Variants in MEI4 observed in about 807,000 individuals in gnomAD.
MEI4 encodes the protein meiosis-specific protein MEI4.
MEI4 carries 27 observed loss-of-function variants against 31.4 expected under a neutral mutation model. That is an observed-to-expected ratio of 0.86 (90% CI 0.63 to 1.19). The LOEUF (loss-of-function observed/expected upper bound fraction) is 1.19, where lower values mean the gene tolerates loss of function less well. Among genes scored for constraint, MEI4 ranks in the 50% most tolerant of loss-of-function variants. The pLI, the probability that MEI4 is intolerant of heterozygous loss-of-function variation, is 0.00. For missense variants in MEI4, 329 were observed against 398.9 expected (o/e 0.82, Z 1.49); for synonymous variants, 122 against 145.4 (o/e 0.84, Z 1.16).
At chr6:77,768,595 G>A (rs557583127) in intron 3 of MEI4, among the ~76,000 whole-genome samples, 1 of 152,012 alleles carries the variant, frequency 6.6e-6, no homozygotes, top group East Asian at 1.9e-4. Flanking sequence ...AGCTACTTGG[G>A]AGAATGAGGC....
In MEI4 at chr6:77,847,197, A is replaced by G. The variant is rs772048556; in HGVS notation, c.900+18135A>G. Reference sequence around the variant, plus strand: ...CAATGTTCTGAAATGGTGTGTATGGAGCCAGTATATACAGAACAAATAGTT... The same window carrying G: ...CAATGTTCTGAAATGGTGTGTATGGGGCCAGTATATACAGAACAAATAGTT... On this transcript the variant is annotated intron_variant, in intron 4 of 4. Coordinates refer to ENST00000684080, the MANE Select transcript of MEI4 (RefSeq NM_001322247.2). The surrounding 1 kb of genome is among the most constrained non-coding windows in gnomAD (Gnocchi z 4.6). Among the ~76,000 whole-genome samples the G allele has an allele frequency of 1.1e-4, 17 of 152,126 alleles. No individual in the cohort carries two copies. The highest frequency in any genetic ancestry group is 2.4e-4 in the Non-Finnish European group (16 of 68,026).
At chr6:77,787,222 AACAGCCAATG>A (rs1280654426) in intron 3 of MEI4, among the ~76,000 whole-genome samples, 1 of 152,182 alleles carries the variant, frequency 6.6e-6, no homozygotes, top group African/African-American at 2.4e-5. Flanking sequence ...CTACTAGAGA[AACAGCCAATG>A]ACATAGCAGC....
At chr6:77,716,654 A>G (rs1433661164) in intron 2 of MEI4, among the ~76,000 whole-genome samples, 2 of 152,224 alleles carry the variant, frequency 1.3e-5, no homozygotes, top group Admixed American at 1.3e-4. Context: ...TGAGAATAAA[A>G]GTTGGCAAAA....
intron 4 of MEI4, among the ~76,000 whole-genome samples, chr6:77,873,431 G>C (rs1213681231): frequency 6.6e-6 from 1 of 152,100 alleles, no homozygotes; most frequent in African/African-American, 2.4e-5. Context: ...CATGTCCTTT[G>C]CCCACTTTTT....
chr6:77,744,116 G>A (rs1042847792), intron 2 of MEI4, among the ~76,000 whole-genome samples: 2 of 152,180 alleles, frequency 1.3e-5, no homozygotes, highest in South Asian at 4.1e-4. Flanking sequence ...AAAGCTGGAT[G>A]GAGAATGACT....
At chr6:77,794,799 A>G (rs1769035128) in intron 3 of MEI4, among the ~76,000 whole-genome samples, 1 of 152,176 alleles carries the variant, frequency 6.6e-6, no homozygotes, top group African/African-American at 2.4e-5. Context: ...CATTTTTTCA[A>G]GTCTATAAAA....
intron 4 of MEI4, among the ~76,000 whole-genome samples, chr6:77,874,274 A>G (rs1269833913): frequency 6.6e-6 from 1 of 151,994 alleles, no homozygotes; most frequent in African/African-American, 2.4e-5. Flanking sequence ...ATCCTCTTTT[A>G]TTTCCTTGAG....
Position 77,847,680 on chromosome 6 carries a change from A to G in MEI4, c.900+18618A>G, listed in dbSNP as rs1224678338. 1.3e-5 allele frequency among the ~76,000 whole-genome samples: 2 copies of G among 152,188 alleles called. No individual in the cohort carries two copies. Among genetic ancestry groups the G allele is most frequent in the African/African-American group, 4.8e-5 (2 of 41,450 alleles). On this transcript the variant is annotated intron_variant, in intron 4 of 4. Transcript: ENST00000684080. The surrounding 1 kb of genome is among the most constrained non-coding windows in gnomAD (Gnocchi z 4.6). ...TTTCCTACTCCGATCTTTGTATTATAGACATTAACACATTTTAATGGAACC... is the reference window on the plus strand; with the variant it reads ...TTTCCTACTCCGATCTTTGTATTATGGACATTAACACATTTTAATGGAACC...
chr6:77,861,450 T>A lies in MEI4; in HGVS notation c.900+32388T>A, dbSNP rs551195725. ...TGGTTTTTGGATTCTTAAACTATTT[T>A]TGTCAACATAGATGAACTATTTATG... is the stretch of plus-strand genomic sequence containing the variant. On this transcript the variant is annotated intron_variant, in intron 4 of 4. Transcript: ENST00000684080. Among the ~76,000 whole-genome samples the A allele has an allele frequency of 1.4e-3, 213 of 152,346 alleles. 1 individual carries two copies. Among genetic ancestry groups the A allele is most frequent in the African/African-American group, 4.5e-3 (187 of 41,590 alleles).
intron 2 of MEI4, among the ~76,000 whole-genome samples, chr6:77,748,056 C>T (rs1053926795): frequency 6.6e-6 from 1 of 152,200 alleles, no homozygotes; most frequent in Non-Finnish European, 1.5e-5. Context: ...TGGCCTTTGG[C>T]AGCTCCGTCA....
At chr6:77,842,392 T>C (rs530831256) in intron 4 of MEI4, among the ~76,000 whole-genome samples, 1 of 152,248 alleles carries the variant, frequency 6.6e-6, no homozygotes, top group South Asian at 2.1e-4. Flanking sequence ...ATGAGATGCA[T>C]TTTGTAAGGC....
intron 2 of MEI4, among the ~76,000 whole-genome samples, chr6:77,730,416 T>C (rs57953339): frequency 0.011 from 1,670 of 152,100 alleles, 26 homozygotes; most frequent in African/African-American, 0.038. Flanking sequence ...TCCTGTTTGT[T>C]AGGAAACGGA....
intron 2 of MEI4, among the ~76,000 whole-genome samples, chr6:77,713,339 T>C (rs1766508307): frequency 1.3e-5 from 2 of 152,230 alleles, no homozygotes; most frequent in Admixed American, 1.3e-4. Flanking sequence ...GTAAGTTCAT[T>C]AATTCCTTAG....
intron 2 of MEI4, among the ~76,000 whole-genome samples, chr6:77,730,129 A>C (rs1766936187): frequency 6.6e-6 from 1 of 152,076 alleles, no homozygotes; most frequent in Non-Finnish European, 1.5e-5. Context: ...CTCAATGGGA[A>C]AGGTAATTGG....
intron 3 of MEI4, among the ~76,000 whole-genome samples, chr6:77,769,547 C>T (rs1768257162): frequency 6.6e-6 from 1 of 152,146 alleles, no homozygotes; most frequent in African/African-American, 2.4e-5. Context: ...GTGCTTGTGT[C>T]ACCCCTCCAC....
intron 3 of MEI4, among the ~76,000 whole-genome samples, chr6:77,778,730 TAA>T (rs1021655130): frequency 6.6e-6 from 1 of 151,040 alleles, no homozygotes; most frequent in African/African-American, 2.4e-5. Context: ...AATAAATAAA[TAA>T]ATAAATAAAT....
At chr6:77,830,007 A>C (rs749735563) in intron 4 of MEI4, among the ~76,000 whole-genome samples, 4 of 152,004 alleles carry the variant, frequency 2.6e-5, no homozygotes, top group Non-Finnish European at 5.9e-5. Context: ...TTTTTTAAAA[A>C]CTCATTTTCA....
intron 3 of MEI4, among the ~76,000 whole-genome samples, chr6:77,764,065 GT>G (rs1471722652): frequency 1.3e-5 from 2 of 152,092 alleles, no homozygotes; most frequent in African/African-American, 2.4e-5. Flanking sequence ...GCCCACTTCG[GT>G]CTCCCAAAGT....
At position 77,705,514 on chromosome 6, in the gene MEI4, A is replaced by G. The variant is rs542401255; in HGVS notation, c.232+14611A>G. Among the ~76,000 whole-genome samples, 3 of 152,362 alleles carry G rather than the reference A, an allele frequency of 2.0e-5. No homozygotes were observed. In the South Asian group the frequency reaches 6.2e-4, roughly 32 times the overall value. On this transcript the variant is annotated intron_variant, in intron 2 of 4. Transcript: ENST00000684080. ...ACTGAAAGCTAAAATAGTAATCTTG[A>G]TATAACATGAATTTGAGTGAATTCC...
Sources: allele counts gnomAD v4.1 joint callset (sites outside exome capture counted in the v4.1 genomes callset), GRCh38; gene constraint gnomAD v4.1.1; non-coding constraint Gnocchi (gnomAD v3.1); transcripts MANE v1.5; gene names NCBI Gene and HGNC (gene_info 2026-07-23, HGNC 2026-07-21).